Variants in LDLRAD4 observed in about 807,000 individuals in gnomAD.
LDLRAD4 encodes the protein low density lipoprotein receptor class A domain containing 4.
In LDLRAD4, 5 loss-of-function variants were observed where a neutral mutation model predicts 17.0. The ratio of observed to expected loss-of-function variants is 0.29; its 90% CI spans 0.15 to 0.62. LDLRAD4 has a LOEUF of 0.62. Ranked by LOEUF, LDLRAD4 falls within the 20% of genes least tolerant of loss-of-function variation. The pLI is 0.84. For missense variants in LDLRAD4, 340 were observed against 424.7 expected (o/e 0.80, Z 1.75); for synonymous variants, 168 against 171.8 (o/e 0.98, Z 0.17).
At chr18:13,548,330 C>G (rs1211529574) in intron 3 of LDLRAD4, among the ~76,000 whole-genome samples, 1 of 152,218 alleles carries the variant, frequency 6.6e-6, no homozygotes, top group Non-Finnish European at 1.5e-5. Context: ...AGGAGCCTGT[C>G]TGCCTCCTGC....
At position 13,568,050 on chromosome 18, in the gene LDLRAD4, C is replaced by T. The variant is rs186882604; in HGVS notation, c.182-53067C>T. 1.6e-3 allele frequency among the ~76,000 whole-genome samples: 224 copies of T among 137,120 alleles called. 1 individual carries two copies. The highest frequency in any genetic ancestry group is 6.0e-3 in the African/African-American group (206 of 34,456). The allele number at this position is 137,120 out of a possible 152,430, so 90.0% of individuals were successfully genotyped here. A position where few individuals can be genotyped will look rare whatever the true frequency, so the allele number is the denominator to read the frequency against. Reference sequence around the variant, plus strand: ...CTGTAATCCCAGCACTTTGGGAGGCCGAGGAGGTGGGGGGTGGGGGGATCA... The same window carrying T: ...CTGTAATCCCAGCACTTTGGGAGGCTGAGGAGGTGGGGGGTGGGGGGATCA... On this transcript the variant is annotated intron_variant, in intron 3 of 5. Coordinates refer to ENST00000359446, the Ensembl canonical transcript of LDLRAD4.
chr18:13,321,408 C>G (rs951194948), intron 1 of LDLRAD4, among the ~76,000 whole-genome samples: 22 of 152,178 alleles, frequency 1.4e-4, no homozygotes, highest in African/African-American at 5.1e-4. Context: ...CTATTTAATT[C>G]TCTTCGGGAC....
intron 3 of LDLRAD4, among the ~76,000 whole-genome samples, chr18:13,594,242 T>G (rs1245497455): frequency 2.0e-5 from 3 of 152,158 alleles, no homozygotes; most frequent in African/African-American, 7.2e-5. Context: ...AGGAGATGGC[T>G]TGTGGCTTTT....
intron 3 of LDLRAD4, among the ~76,000 whole-genome samples, chr18:13,575,403 TC>T (rs2094754220): frequency 6.6e-6 from 1 of 152,250 alleles, no homozygotes; most frequent in Non-Finnish European, 1.5e-5. Context: ...ATTAATTTGT[TC>T]TTTTTTATGG....
At chr18:13,347,138 C>T (rs1189115597) in intron 1 of LDLRAD4, among the ~76,000 whole-genome samples, 1 of 152,118 alleles carries the variant, frequency 6.6e-6, no homozygotes, top group Non-Finnish European at 1.5e-5. Context: ...TTATTTTGCT[C>T]ATTAGTTGAT....
chr18:13,357,671 C>A (rs1473289029), intron 1 of LDLRAD4, among the ~76,000 whole-genome samples: 2 of 152,054 alleles, frequency 1.3e-5, no homozygotes, highest in African/African-American at 4.8e-5. Flanking sequence ...ATATTGTCTT[C>A]CTAGTTGCAT....
At chr18:13,394,989 A>AGT (rs1208412838) in intron 2 of LDLRAD4, among the ~76,000 whole-genome samples, 3 of 152,190 alleles carry the variant, frequency 2.0e-5, no homozygotes, top group Non-Finnish European at 4.4e-5. Context: ...TGGAGTCCTT[A>AGT]ATACTGGATT....
At chr18:13,546,561 G>A (rs1472675523) in intron 3 of LDLRAD4, among the ~76,000 whole-genome samples, 2 of 151,972 alleles carry the variant, frequency 1.3e-5, no homozygotes, top group Non-Finnish European at 2.9e-5. Flanking sequence ...TAGAGACAGG[G>A]TCTTGCTATG....
At chr18:13,382,826 C>G (rs963648210) in intron 1 of LDLRAD4, 3 of 152,314 alleles carry the variant, frequency 2.0e-5, no homozygotes, top group African/African-American at 7.2e-5. Context: ...GCATGGGAAG[C>G]AGTGCCTTCA....
intron 1 of LDLRAD4, among the ~76,000 whole-genome samples, chr18:13,378,158 C>T (rs1428001464): frequency 6.6e-6 from 1 of 152,124 alleles, no homozygotes; most frequent in Non-Finnish European, 1.5e-5. Flanking sequence ...GGAACATTGG[C>T]TGTTATATCG....
intron 5 of LDLRAD4, among the ~76,000 whole-genome samples, 165 bp downstream of exon 6, chr18:13,643,577 A>C (rs1186836215): frequency 1.3e-5 from 2 of 152,192 alleles, no homozygotes; most frequent in Non-Finnish European, 2.9e-5. Context: ...GCGGGAGGGG[A>C]CTTCCCCTAG....
chr18:13,429,335 C>T (rs553871171), intron 2 of LDLRAD4, among the ~76,000 whole-genome samples: 1 of 152,308 alleles, frequency 6.6e-6, no homozygotes, highest in South Asian at 2.1e-4. Flanking sequence ...AACTTGTTTG[C>T]AGCATTAAAC....
chr18:13,551,917 A>G (rs1004918681), intron 3 of LDLRAD4, among the ~76,000 whole-genome samples: 4 of 152,146 alleles, frequency 2.6e-5, no homozygotes, highest in Admixed American at 1.3e-4. Flanking sequence ...GCTTCCACTC[A>G]TGGCATAAGG....
intron 4 of LDLRAD4, among the ~76,000 whole-genome samples, chr18:13,638,146 C>G (rs747239563): frequency 7.2e-5 from 11 of 152,066 alleles, no homozygotes; most frequent in Non-Finnish European, 1.5e-4. Flanking sequence ...TGGCACACAC[C>G]TGTAGTCCCA....
At chr18:13,619,979 G>A (rs1019679687) in intron 3 of LDLRAD4, among the ~76,000 whole-genome samples, 12 of 152,096 alleles carry the variant, frequency 7.9e-5, no homozygotes, top group African/African-American at 2.9e-4. Context: ...TCCCTAGGGT[G>A]TGGGGGTCTG....
chr18:13,408,249 C>T (rs1296537435), intron 2 of LDLRAD4, among the ~76,000 whole-genome samples: 1 of 151,702 alleles, frequency 6.6e-6, no homozygotes, highest in East Asian at 1.9e-4. Flanking sequence ...TGGTGCAGGC[C>T]TGTAGTCCCA....
intron 2 of LDLRAD4, among the ~76,000 whole-genome samples, chr18:13,423,069 G>A (rs746171957): frequency 1.3e-5 from 2 of 152,228 alleles, no homozygotes; most frequent in Non-Finnish European, 2.9e-5. Flanking sequence ...CACACCACTG[G>A]TGTCCAGAAG....
At chr18:13,534,773 C>T (rs766347514) in intron 3 of LDLRAD4, among the ~76,000 whole-genome samples, 3 of 152,216 alleles carry the variant, frequency 2.0e-5, no homozygotes, top group Non-Finnish European at 4.4e-5. Flanking sequence ...GCATAATCTA[C>T]ACCACAGTCA....
upstream of LDLRAD4, among the ~76,000 whole-genome samples, chr18:13,275,271 A>G (rs981892121): frequency 2.0e-5 from 3 of 152,274 alleles, no homozygotes; most frequent in African/African-American, 4.8e-5. Flanking sequence ...GTAGATAAGT[A>G]GATGCCAGAG....
Sources: allele counts gnomAD v4.1 joint callset (sites outside exome capture counted in the v4.1 genomes callset), GRCh38; gene constraint gnomAD v4.1.1; transcripts MANE v1.5; gene names NCBI Gene and HGNC (gene_info 2026-07-23, HGNC 2026-07-21).